Variants in TBX2 observed in about 807,000 individuals in gnomAD.
TBX2 encodes the protein T-box transcription factor 2, also known as T-box transcription factor TBX2.
Under a neutral mutation model 48.4 loss-of-function variants are expected in TBX2, and 19 were observed. The observed-to-expected ratio is 0.39, with a 90% confidence interval of 0.27 to 0.58. TBX2 has a LOEUF of 0.58. Among genes scored for constraint, TBX2 ranks in the 20% least tolerant of loss-of-function variants. TBX2 has a pLI of 0.54. For synonymous variants in TBX2, 522 were observed against 459.7 expected (o/e 1.14, Z -1.73); for missense variants, 994 against 1,006.5 (o/e 0.99, Z 0.17).
At chr17:61,401,360 A>C (rs896132994) in intron 1 of TBX2, among the ~76,000 whole-genome samples, 1 of 152,240 alleles carries the variant, frequency 6.6e-6, no homozygotes, top group African/African-American at 2.4e-5. Context: ...AGAAGCGAGA[A>C]TATTTCTAGA....
Position 61,403,299 on chromosome 17 carries a change from C to G in TBX2, c.810+92C>G. 4 of 1,543,686 alleles carry G rather than the reference C, an allele frequency of 2.6e-6. No homozygotes were observed. Among genetic ancestry groups the G allele is most frequent in the Non-Finnish European group, 3.5e-6 (4 of 1,153,222 alleles). On this transcript the variant is annotated intron_variant, in intron 3 of 6. Transcript: ENST00000240328. This position sits in a 1 kb window ranked among gnomAD's most constrained non-coding sequence, Gnocchi z 5.8. ...TCCGTTCATCGCCCCTCGAAGCCCC[C>G]TGCACGGGATCCGCGCTCTTGCGGC...
At chr17:61,401,593 G>A (rs1323419508) in intron 1 of TBX2, 91 bp from the exon 2 acceptor site, 6 of 1,483,792 alleles carry the variant, frequency 4.0e-6, no homozygotes, top group Non-Finnish European at 5.4e-6. Flanking sequence ...AGCGGTGTGC[G>A]CAACGAGGAG....
Position 61,408,213 on chromosome 17 carries a change from C to T in TBX2, c.1846C>T (p.Arg616Trp), listed in dbSNP as rs748195981. ...LSRSPFLGSA[R>W]PRLRFSPYQI... ...CCGGAGCCCCTTCCTGGGCAGTGCC[C>T]GGCCCCGACTGCGTTTCAGCCCCTA... Residue 616 changes from arginine (R) to tryptophan (W), a missense_variant, in exon 7 of 7, where the codon CGG becomes TGG. Arg to Trp is a moderately radical substitution (Grantham distance 101, BLOSUM62 -3). Coordinates refer to ENST00000240328, the MANE Select transcript of TBX2 (RefSeq NM_005994.4). 21 of 1,612,782 alleles carry T rather than the reference C, an allele frequency of 1.3e-5. No homozygotes were observed. The Admixed American group carries it at 1.7e-4, about 13-fold the overall frequency.
rs1569014233 is a variant in TBX2, at chr17:61,400,377, G to T, written c.201G>T (p.Ala67=). 6.3e-6 allele frequency: 7 copies of T among 1,118,896 alleles called. No homozygotes were observed. The highest frequency in any genetic ancestry group is 6.5e-6 in the Non-Finnish European group (6 of 916,566). The allele number at this position is 1,118,896 out of a possible 1,614,324, so 69.3% of individuals were successfully genotyped here. Residue 67 remains alanine (A), a synonymous_variant, in exon 1 of 7, where the codon GCG becomes GCT. Transcript: ENST00000240328. The surrounding 1 kb of genome is among the most constrained non-coding windows in gnomAD (Gnocchi z 9.2). ...LAGAAAAAAA[A]AAAAEAGLHV... Reference sequence around the variant, plus strand: ...GGGCGGCGGCCGCGGCGGCGGCGGCGGCAGCAGCGGCCGAGGCGGGGCTGC... The same window carrying T: ...GGGCGGCGGCCGCGGCGGCGGCGGCTGCAGCAGCGGCCGAGGCGGGGCTGC...
At position 61,401,539 on chromosome 17, in the gene TBX2, TGA is replaced by T; in HGVS notation, c.396-141_396-140del. 3 of 1,172,128 alleles carry T rather than the reference TGA, an allele frequency of 2.6e-6. No homozygotes were observed. In the South Asian group the frequency reaches 4.8e-5, roughly 19 times the overall value. 72.6% of individuals were successfully genotyped at this position (1,172,128 alleles called of 1,614,324 possible). ...ACAGGTGGGGTCGTCCGGGCAGTGATGAGAGGGCAGAGCAGCCGACCACAGGG... is the reference window on the plus strand; with the variant it reads ...ACAGGTGGGGTCGTCCGGGCAGTGATGAGGGCAGAGCAGCCGACCACAGGG... On this transcript the variant is annotated intron_variant, in intron 1 of 6. Coordinates refer to ENST00000240328, the MANE Select transcript of TBX2 (RefSeq NM_005994.4).
Position 61,400,220 on chromosome 17 carries a change from C to G in TBX2, c.44C>G (p.Pro15Arg). Reference protein sequence around the residue: ...ALAASAMAYHPFHAPRPADFP... With the variant: ...ALAASAMAYHRFHAPRPADFP... ...GCGGCCAGCGCCATGGCTTACCACCCGTTCCACGCGCCACGGCCCGCCGAC... is the reference window on the plus strand; with the variant it reads ...GCGGCCAGCGCCATGGCTTACCACCGGTTCCACGCGCCACGGCCCGCCGAC... Residue 15 changes from proline to arginine, a missense_variant, in exon 1 of 7, where the codon CCG becomes CGG. Pro to Arg is a moderately radical substitution (Grantham distance 103, BLOSUM62 -2). Coordinates refer to ENST00000240328, the MANE Select transcript of TBX2 (RefSeq NM_005994.4). The surrounding 1 kb of genome is among the most constrained non-coding windows in gnomAD (Gnocchi z 9.2). The G allele has an allele frequency of 8.2e-7, 1 of 1,216,760 alleles. No homozygotes were observed. Among genetic ancestry groups the G allele is most frequent in the South Asian group, 1.5e-5 (1 of 66,342 alleles). 75.4% of individuals were successfully genotyped at this position (1,216,760 alleles called of 1,614,324 possible). A position where few individuals can be genotyped will look rare whatever the true frequency, so the allele number is the denominator to read the frequency against.
At position 61,406,953 on chromosome 17, in the gene TBX2, AT is replaced by A. The variant is rs1377792397; in HGVS notation, c.1687-1100del. On this transcript the variant is annotated intron_variant, in intron 6 of 6. Coordinates refer to ENST00000240328, the MANE Select transcript of TBX2 (RefSeq NM_005994.4). The surrounding 1 kb of genome is among the most constrained non-coding windows in gnomAD (Gnocchi z 5.7). Reference sequence around the variant, plus strand: ...TGCCTCCTCCCCAGACAAACTGGTAATAATCACCAGCATCACAGAGGTCATG... The same window carrying A: ...TGCCTCCTCCCCAGACAAACTGGTAAAATCACCAGCATCACAGAGGTCATG... The A allele has an allele frequency of 6.6e-6, 1 of 151,994 alleles. No individual in the cohort carries two copies. Among genetic ancestry groups the A allele is most frequent in the African/African-American group, 2.4e-5 (1 of 41,358 alleles). 9.4% of individuals were successfully genotyped at this position (151,994 alleles called of 1,614,324 possible). A position where few individuals can be genotyped will look rare whatever the true frequency, so the allele number is the denominator to read the frequency against.
Position 61,405,284 on chromosome 17 carries a change from C to G in TBX2, c.1134C>G (p.Arg378=), listed in dbSNP as rs757681296. 43 of 1,563,390 alleles carry G rather than the reference C, an allele frequency of 2.8e-5. No individual in the cohort carries two copies. Among genetic ancestry groups the G allele is most frequent in the Non-Finnish European group, 3.7e-5 (43 of 1,162,544 alleles). ...AGCGTGCGGGGGCGCCGCTAGGCCG[C>G]AGCCCGGCTCCAGACAGCGCCAGCC... is the stretch of plus-strand genomic sequence containing the variant. ...SEERAGAPLG[R]SPAPDSASPT... Residue 378 remains arginine (R), a synonymous_variant, in exon 6 of 7, where the codon CGC becomes CGG. Coordinates refer to ENST00000240328, the MANE Select transcript of TBX2 (RefSeq NM_005994.4).
Position 61,404,759 on chromosome 17 carries a change from C to G in TBX2, c.1041C>G (p.His347Gln). Residue 347 changes from histidine to glutamine, a missense_variant, in exon 5 of 7, where the codon CAC becomes CAG. His to Gln is a conservative substitution (Grantham distance 24). Coordinates refer to ENST00000240328, the MANE Select transcript of TBX2 (RefSeq NM_005994.4). ...PGAAPSPLRL[H>Q]RARAEEKSCA... ...CAGCGCCCAGTCCGCTGCGCCTGCA[C>G]CGGGCCCGAGGTGAGGGTCGGACCG... 1 of 1,547,516 alleles carries G rather than the reference C, an allele frequency of 6.5e-7. No individual in the cohort carries two copies. The highest frequency in any genetic ancestry group is 8.7e-7 in the Non-Finnish European group (1 of 1,149,352).
In TBX2 at chr17:61,405,776, C is replaced by A; in HGVS notation, c.1626C>A (p.Ser542Arg). 7.5e-7 allele frequency: 1 copy of A among 1,328,084 alleles called. No homozygotes were observed. The highest frequency in any genetic ancestry group is 9.6e-7 in the Non-Finnish European group (1 of 1,045,312). The allele number at this position is 1,328,084 out of a possible 1,614,324, so 82.3% of individuals were successfully genotyped here. A position where few individuals can be genotyped will look rare whatever the true frequency, so the allele number is the denominator to read the frequency against. Reference protein sequence around the residue: ...LDAGGLGPAASAASTAAPFPF... With the variant: ...LDAGGLGPAARAASTAAPFPF... ...CAGGCGGGCTGGGTCCCGCGGCCAG[C>A]GCAGCAAGCACCGCCGCGCCCTTCC... The change falls in exon 6 of 7, where the codon AGC (serine) becomes AGA (arginine). Residue 542 changes from serine to arginine, a missense_variant. Ser to Arg is a moderately radical substitution (Grantham distance 110, BLOSUM62 -1). This residue lies in a region of TBX2 where 639 missense variants were observed against 613.2 expected (regional missense o/e 1.04). Coordinates refer to ENST00000240328, the MANE Select transcript of TBX2 (RefSeq NM_005994.4).
intron 2 of TBX2, among the ~76,000 whole-genome samples, chr17:61,402,850 C>T (rs1302602258): frequency 7.0e-6 from 1 of 141,992 alleles, no homozygotes; most frequent in East Asian, 2.1e-4. Context: ...AAGAGAAAAG[C>T]GAGAGGAAAA....
Position 61,405,298 on chromosome 17 carries a change from A to C in TBX2, c.1148A>C (p.Asp383Ala). ...GAPLGRSPAP[D>A]SASPTRLTEP... ...CCGCTAGGCCGCAGCCCGGCTCCAGACAGCGCCAGCCCCACTCGCTTGACC... is the reference window on the plus strand; with the variant it reads ...CCGCTAGGCCGCAGCCCGGCTCCAGCCAGCGCCAGCCCCACTCGCTTGACC... Residue 383 changes from aspartate (D) to alanine (A), a missense_variant, in exon 6 of 7, where the codon GAC (aspartate) becomes GCC (alanine). Asp to Ala is a moderately radical substitution (Grantham distance 126). This residue lies in a region of TBX2 where 639 missense variants were observed against 613.2 expected (regional missense o/e 1.04). Coordinates refer to ENST00000240328, the MANE Select transcript of TBX2 (RefSeq NM_005994.4). The C allele has an allele frequency of 6.4e-7, 1 of 1,558,576 alleles. No homozygotes were observed. Among genetic ancestry groups the C allele is most frequent in the Non-Finnish European group, 8.6e-7 (1 of 1,159,720 alleles).
At chr17:61,407,822 T>C in intron 6 of TBX2, 1 of 552,220 alleles carries the variant, frequency 1.8e-6, no homozygotes, top group African/African-American at 1.9e-5. Context: ...AGCACAGAAC[T>C]TGATGGCAGG....
At chr17:61,404,925 C>T (rs897267546) in intron 5 of TBX2, 156 bp downstream of exon 5, 1 of 1,276,458 alleles carries the variant, frequency 7.8e-7, no homozygotes, top group Non-Finnish European at 1.1e-6. Flanking sequence ...GACTCCCCTA[C>T]GAGGGCGGTC....
chr17:61,400,235 G>T lies in TBX2; in HGVS notation c.59G>T (p.Arg20Leu). The change falls in exon 1 of 7, where the codon CGG becomes CTG. Residue 20 changes from arginine to leucine, a missense_variant. This residue lies in a region of TBX2 where 165 missense variants were observed against 136.8 expected (regional missense o/e 1.21). Transcript: ENST00000240328. This position sits in a 1 kb window ranked among gnomAD's most constrained non-coding sequence, Gnocchi z 9.2. ...GCTTACCACCCGTTCCACGCGCCACGGCCCGCCGACTTCCCCATGTCCGCC... is the reference window on the plus strand; with the variant it reads ...GCTTACCACCCGTTCCACGCGCCACTGCCCGCCGACTTCCCCATGTCCGCC... ...AMAYHPFHAP[R>L]PADFPMSAFL... is the part of the protein sequence containing the mutation. The T allele has an allele frequency of 8.2e-7, 1 of 1,215,832 alleles. No individual in the cohort carries two copies. The allele number at this position is 1,215,832 out of a possible 1,614,324, so 75.3% of individuals were successfully genotyped here. A position where few individuals can be genotyped will look rare whatever the true frequency, so the allele number is the denominator to read the frequency against.
intron 6 of TBX2, chr17:61,407,050 G>A (rs992410823): frequency 3.9e-5 from 6 of 152,190 alleles, no homozygotes; most frequent in African/African-American, 1.4e-4. Context: ...CAGCACCTGG[G>A]AGGCATCCGT....
chr17:61,400,514 A>G lies in TBX2; in HGVS notation c.338A>G (p.Glu113Gly), dbSNP rs2060259999. 2 of 1,596,962 alleles carry G rather than the reference A, an allele frequency of 1.3e-6. No individual in the cohort carries two copies. Among genetic ancestry groups the G allele is most frequent in the East Asian group, 4.5e-5 (2 of 44,364 alleles). The change falls in exon 1 of 7, where the codon GAG becomes GGG. Residue 113 changes from glutamate to glycine, a missense_variant. This residue lies in a region of TBX2 where 23 missense variants were observed against 46.9 expected (regional missense o/e 0.49). Transcript: ENST00000240328. The surrounding 1 kb of genome is among the most constrained non-coding windows in gnomAD (Gnocchi z 9.2). ...DDPKVTLEAK[E>G]LWDQFHKLGT... ...CCCAAGGTGACGCTGGAGGCCAAGG[A>G]GCTGTGGGACCAGTTCCACAAGCTA...
At chr17:61,408,013 A>G in intron 6 of TBX2, 41 bp from the exon 7 acceptor site, 2 of 1,520,356 alleles carry the variant, frequency 1.3e-6, no homozygotes, top group Middle Eastern at 1.8e-4. Flanking sequence ...GAAAGACTTC[A>G]GGCAAGATGT....
Position 61,403,340 on chromosome 17 carries a change from G to A in TBX2, c.810+133G>A, listed in dbSNP as rs967068671. On this transcript the variant is annotated intron_variant, in intron 3 of 6. Coordinates refer to ENST00000240328, the MANE Select transcript of TBX2 (RefSeq NM_005994.4). This position sits in a 1 kb window ranked among gnomAD's most constrained non-coding sequence, Gnocchi z 5.8. ...CTCTTGCGGCCCGCCCCCGAGCACC[G>A]AGCCTCGCATCCATACGCGCAGCAC... 1 of 1,396,000 alleles carries A rather than the reference G, an allele frequency of 7.2e-7. No homozygotes were observed. The highest frequency in any genetic ancestry group is 9.6e-7 in the Non-Finnish European group (1 of 1,045,840). The allele number at this position is 1,396,000 out of a possible 1,614,324, so 86.5% of individuals were successfully genotyped here.
Sources: gnomAD v4.1 joint callset for allele counts (sites outside exome capture counted in the v4.1 genomes callset) on GRCh38, gnomAD v4.1.1 for gene constraint, gnomAD v4.1.1 regional missense constraint, Gnocchi (gnomAD v3.1) non-coding constraint, MANE v1.5 for transcripts, NCBI Gene and HGNC (gene_info 2026-07-23, HGNC 2026-07-21) for gene names.